The following ACYP2 variants were observed in gnomAD, a reference collection of about 807,000 sequenced individuals.
ACYP2 encodes the protein acylphosphatase 2.
ACYP2 carries 12 observed loss-of-function variants against 11.2 expected under a neutral mutation model. The observed-to-expected ratio is 1.08, with a 90% CI of 0.69 to 1.74. The LOEUF is 1.74. Among genes scored for constraint, ACYP2 ranks in the 40% most tolerant of loss-of-function variants. The pLI, the probability that ACYP2 is intolerant of heterozygous loss-of-function variation, is 0.00. For synonymous variants in ACYP2, 43 were observed against 32.2 expected (o/e 1.33, Z -1.13); for missense variants, 134 against 101.9 (o/e 1.31, Z -1.35).
At chr2:54,079,914 A>G (rs75760430) in intron 4 of ACYP2, 11,534 of 152,256 alleles carry the variant, frequency 0.076, 621 homozygotes, top group Non-Finnish European at 0.12. Flanking sequence ...TATCCTTTCC[A>G]TTTTCTTCTT....
At chr2:54,164,756 A>C (rs184711496) in intron 6 of ACYP2, among the ~76,000 whole-genome samples, 1 of 152,006 alleles carries the variant, frequency 6.6e-6, no homozygotes, top group African/African-American at 2.4e-5. Context: ...GGTTTCTTAG[A>C]TAGGTATACA....
At chr2:54,274,162 A>T (rs1418804846) in intron 6 of ACYP2, among the ~76,000 whole-genome samples, 1 of 152,220 alleles carries the variant, frequency 6.6e-6, no homozygotes, top group Admixed American at 6.5e-5. Flanking sequence ...AAGGAGGAGC[A>T]GTCACATCTT....
intron 4 of ACYP2, among the ~76,000 whole-genome samples, chr2:54,066,995 G>T (rs1178189670): frequency 6.6e-6 from 1 of 152,218 alleles, no homozygotes; most frequent in African/African-American, 2.4e-5. Context: ...ACTACTATTT[G>T]TGTCAACTTG....
intron 6 of ACYP2, among the ~76,000 whole-genome samples, chr2:54,182,068 TTTTTTG>T (rs1409697213): frequency 2.0e-5 from 3 of 147,780 alleles, no homozygotes; most frequent in African/African-American, 7.5e-5. Context: ...TTTTTTTTTT[TTTTTTG>T]GTTGAGACGG....
intron 2 of ACYP2, among the ~76,000 whole-genome samples, chr2:53,995,466 A>T (rs1672526046): frequency 6.8e-6 from 1 of 148,086 alleles, no homozygotes; most frequent in African/African-American, 2.5e-5. Context: ...CAATGCTATT[A>T]TTTTTTATTT....
chr2:54,182,835 T>A (rs543274927), intron 6 of ACYP2, among the ~76,000 whole-genome samples: 21 of 152,070 alleles, frequency 1.4e-4, no homozygotes, highest in Non-Finnish European at 2.8e-4. Flanking sequence ...GCAGTGCCCA[T>A]CTTGGGGCAG....
chr2:54,057,154 AT>A (rs1676195859), intron 3 of ACYP2: 2 of 394,026 alleles, frequency 5.1e-6, no homozygotes, highest in Non-Finnish European at 8.9e-6. Flanking sequence ...AGATTGACTG[AT>A]TTCATGACAT....
At chr2:54,068,123 T>C (rs1676835725) in intron 4 of ACYP2, among the ~76,000 whole-genome samples, 2 of 152,184 alleles carry the variant, frequency 1.3e-5, no homozygotes, top group South Asian at 4.1e-4. Flanking sequence ...TGGAGGGAGA[T>C]TGATTCTCTA....
intron 2 of ACYP2, among the ~76,000 whole-genome samples, chr2:54,003,807 C>T (rs1672921665): frequency 6.6e-6 from 1 of 152,242 alleles, no homozygotes; most frequent in Non-Finnish European, 1.5e-5. Flanking sequence ...TTATAAAAAA[C>T]TGTCAAACCA....
At chr2:53,980,383 A>G (rs1671690500) in intron 2 of ACYP2, among the ~76,000 whole-genome samples, 1 of 151,760 alleles carries the variant, frequency 6.6e-6, no homozygotes, top group Non-Finnish European at 1.5e-5. Flanking sequence ...TTATAAAAAG[A>G]AAAAGTTACA....
chr2:54,090,806 T>C lies in ACYP2; in HGVS notation c.277+33446T>C, dbSNP rs571723281. ...ACTCTGTTCCCCTCCTCTGTATCAT[T>C]GTCCTGGGCCACTCCATGCACGGGA... On this transcript the variant is annotated intron_variant, in intron 4 of 6. Transcript: ENST00000607452. 3.3e-5 allele frequency among the ~76,000 whole-genome samples: 5 copies of C among 152,322 alleles called. No homozygotes were observed. The East Asian group carries it at 9.6e-4, about 29-fold the overall frequency.
Position 54,051,533 on chromosome 2 carries a change from C to T in ACYP2, c.155+483C>T. 2.7e-6 allele frequency: 2 copies of T among 728,380 alleles called. 1 individual carries two copies. The highest frequency in any genetic ancestry group is 5.0e-5 in the East Asian group (2 of 40,208). The allele number at this position is 728,380 out of a possible 1,614,324, so 45.1% of individuals were successfully genotyped here. On this transcript the variant is annotated intron_variant, in intron 3 of 6. Coordinates refer to ENST00000607452, the MANE Select transcript of ACYP2 (RefSeq NM_001320586.2). ...TTTTCTGTTCTGTTCTGAGAATTGC[C>T]CAAAAATAAAAGGAGATCATCTTGG...
intron 1 of ACYP2, chr2:53,973,614 C>G (rs1308578383): frequency 5.1e-6 from 1 of 196,016 alleles, no homozygotes; most frequent in African/African-American, 2.4e-5. Flanking sequence ...GTGAGATCCA[C>G]CCCCTGCCCC....
intron 6 of ACYP2, among the ~76,000 whole-genome samples, chr2:54,216,822 C>T (rs1050340517): frequency 2.0e-5 from 3 of 152,222 alleles, no homozygotes; most frequent in African/African-American, 7.2e-5. Flanking sequence ...CAAGCGTGAG[C>T]TACTGCACTG....
At chr2:54,232,830 C>A (rs1686295877) in intron 6 of ACYP2, among the ~76,000 whole-genome samples, 1 of 152,046 alleles carries the variant, frequency 6.6e-6, no homozygotes, top group Non-Finnish European at 1.5e-5. Context: ...ACAGGAACAG[C>A]AAGGGGGAAA....
At position 54,195,654 on chromosome 2, in the gene ACYP2, A is replaced by AC. The variant is rs1324551324; in HGVS notation, c.404+56906_404+56907insC. ...GGCCAAAGGCAAAAAAAAAAAAACA[A>AC]AACACTGTACTAACTGGGTCAATTG... On this transcript the variant is annotated intron_variant, in intron 6 of 6. Transcript: ENST00000607452. 2.7e-4 allele frequency among the ~76,000 whole-genome samples: 41 copies of AC among 149,092 alleles called. 2 individuals are homozygous for AC. The highest frequency in any genetic ancestry group is 3.4e-3 in the Middle Eastern group (1 of 290).
chr2:54,211,593 G>A (rs1685332731), intron 6 of ACYP2, among the ~76,000 whole-genome samples: 1 of 152,100 alleles, frequency 6.6e-6, no homozygotes, highest in Non-Finnish European at 1.5e-5. Context: ...TTCTATGTTT[G>A]AGCATATAAT....
intron 4 of ACYP2, among the ~76,000 whole-genome samples, chr2:54,074,924 C>T (rs1677248637): frequency 6.6e-6 from 1 of 152,146 alleles, no homozygotes; most frequent in Admixed American, 6.5e-5. Context: ...CGTAATCTCA[C>T]CCAAAATACC....
intron 6 of ACYP2, among the ~76,000 whole-genome samples, chr2:54,211,853 C>G (rs373987016): frequency 1.1e-4 from 16 of 152,098 alleles, no homozygotes; most frequent in African/African-American, 3.4e-4. Context: ...CTTGAAAGTG[C>G]AAATAGAGCA....
Sources: allele counts gnomAD v4.1 joint callset (sites outside exome capture counted in the v4.1 genomes callset), GRCh38; gene constraint gnomAD v4.1.1; transcripts MANE v1.5; gene names NCBI Gene and HGNC (gene_info 2026-07-23, HGNC 2026-07-21).